The following AIM2 variants were observed in gnomAD, a reference collection of about 807,000 sequenced individuals.
AIM2 encodes absent in melanoma 2.
Under a neutral mutation model 27.7 loss-of-function variants are expected in AIM2, and 30 were observed. The observed-to-expected ratio is 1.08, with a 90% CI of 0.81 to 1.47. The LOEUF (loss-of-function observed/expected upper bound fraction) is 1.47. Ranked by LOEUF, AIM2 falls within the 40% of genes most tolerant of loss-of-function variation. The pLI, the probability that AIM2 is intolerant of heterozygous loss-of-function variation, is 0.00. For synonymous variants in AIM2, 141 were observed against 145.3 expected (o/e 0.97, Z 0.21); for missense variants, 358 against 411.3 (o/e 0.87, Z 1.12).
At chr1:159,117,037 G>A (rs1246803834) in intron 1 of AIM2, among the ~76,000 whole-genome samples, 1 of 152,104 alleles carries the variant, frequency 6.6e-6, no homozygotes, top group African/African-American at 2.4e-5. Context: ...AGTGAGAGTT[G>A]TTTCAGAAAT....
upstream of AIM2, among the ~76,000 whole-genome samples, chr1:159,141,738 A>C (rs1355453705): frequency 6.6e-6 from 1 of 151,960 alleles, no homozygotes; most frequent in South Asian, 2.1e-4. Flanking sequence ...TACCTTCTGC[A>C]TCACCGAGCC....
chr1:159,105,181 C>T (rs4282817), intron 1 of AIM2, among the ~76,000 whole-genome samples: 39 of 152,326 alleles, frequency 2.6e-4, no homozygotes, highest in South Asian at 8.3e-4. Context: ...CCAGCTGCTG[C>T]GGCAGGGCAG....
intron 2 of AIM2, among the ~76,000 whole-genome samples, chr1:159,069,546 C>CTT (rs760527368): frequency 1.4e-5 from 2 of 142,064 alleles, no homozygotes; most frequent in African/African-American, 5.1e-5. Flanking sequence ...TGATTTCTTT[C>CTT]TTTTTTTTTT....
At chr1:159,108,898 A>G (rs1277713046) in intron 1 of AIM2, among the ~76,000 whole-genome samples, 1 of 152,210 alleles carries the variant, frequency 6.6e-6, no homozygotes, top group Non-Finnish European at 1.5e-5. Context: ...CATAGACGAC[A>G]CACACAAATG....
chr1:159,063,531 A>G lies in AIM2; in HGVS notation c.960T>C (p.Asn320=), dbSNP rs967172742. 2.5e-6 allele frequency: 4 copies of G among 1,613,790 alleles called. No individual in the cohort carries two copies. Among genetic ancestry groups the G allele is most frequent in the Admixed American group, 3.3e-5 (2 of 59,952 alleles). ...CAGATGTCAGCTGTAGTTTTTCTCCATTTTTTGACAGTGTGAAGAATGTAA... is the reference window on the plus strand; with the variant it reads ...CAGATGTCAGCTGTAGTTTTTCTCCGTTTTTTGACAGTGTGAAGAATGTAA... ...VRLTFFTLSK[N]GEKLQLTSGV... Residue 320 remains asparagine, a synonymous_variant, in exon 5 of 6, where the codon AAT becomes AAC. Transcript: ENST00000368130.
downstream of AIM2, among the ~76,000 whole-genome samples, chr1:159,059,092 A>G (rs1655748747): frequency 6.6e-6 from 1 of 152,212 alleles, no homozygotes; most frequent in Admixed American, 6.5e-5. Flanking sequence ...CCAATAAGGA[A>G]AAGAGACGTT....
chr1:159,073,368 G>A lies in AIM2; in HGVS notation c.132C>T (p.Asn44=), dbSNP rs1327500089. 6.2e-7 allele frequency: 1 copy of A among 1,614,188 alleles called. No individual in the cohort carries two copies. Among genetic ancestry groups the A allele is most frequent in the Non-Finnish European group, 8.5e-7 (1 of 1,180,032 alleles). ...TCATCAAGGTAGCTACTTGTATTCT[G>A]TTTGCAGTATGTAGTTTGCCTGTGG... The part of the protein sequence containing the change: ...NIATGKLHTA[N]RIQVATLMIQ... Residue 44 remains asparagine (N), a synonymous_variant, in exon 2 of 6, where the codon AAC becomes AAT. Transcript: ENST00000368130.
chr1:159,137,924 T>C (rs1040954391), intron 1 of AIM2, among the ~76,000 whole-genome samples: 2 of 152,228 alleles, frequency 1.3e-5, no homozygotes. Flanking sequence ...TGCACTGGTC[T>C]GCATATGTAG....
upstream of AIM2, among the ~76,000 whole-genome samples, chr1:159,145,061 C>T (rs1056300813): frequency 1.7e-4 from 26 of 152,244 alleles, no homozygotes; most frequent in African/African-American, 6.3e-4. Flanking sequence ...TCTCATGTTC[C>T]TACCTGCTAT....
Position 159,063,494 on chromosome 1 carries a change from T to G in AIM2, c.997A>C (p.Thr333Pro). 1 of 1,612,794 alleles carries G rather than the reference T, an allele frequency of 6.2e-7. No individual in the cohort carries two copies. The highest frequency in any genetic ancestry group is 8.5e-7 in the Non-Finnish European group (1 of 1,179,548). The change falls in exon 5 of 6, where the codon ACC (threonine) becomes CCC (proline). Residue 333 changes from threonine to proline, a missense_variant. Physicochemically the swap from Thr to Pro is conservative, Grantham distance 38. Coordinates refer to ENST00000368130, the MANE Select transcript of AIM2 (RefSeq NM_004833.3). ...KLQLTSGVHS[T>P]IKVIKAKKKT ...TTCCATGCAGTTCCCACCTTTATGG[T>G]GCTATGAACTCCAGATGTCAGCTGT... is the stretch of plus-strand genomic sequence containing the variant.
intron 4 of AIM2, among the ~76,000 whole-genome samples, 188 bp from the exon 5 acceptor site, chr1:159,063,862 G>C (rs1655962690): frequency 6.6e-6 from 1 of 152,186 alleles, no homozygotes; most frequent in Admixed American, 6.5e-5. Context: ...AAGATGGCAA[G>C]ACCAACCCTC....
rs779739641 is a variant in AIM2, at chr1:159,063,471, C to A, written c.1005+15G>T. 1 of 1,597,860 alleles carries A rather than the reference C, an allele frequency of 6.3e-7. No individual in the cohort carries two copies. The highest frequency in any genetic ancestry group is 8.5e-7 in the Non-Finnish European group (1 of 1,174,150). On this transcript the variant is annotated intron_variant, in intron 5 of 5. Transcript: ENST00000368130. ...ACCCCCTTGGAGAGTTGACTTTGTT[C>A]CATGCAGTTCCCACCTTTATGGTGC...
At chr1:159,090,803 G>T (rs2102008559) in intron 1 of AIM2, among the ~76,000 whole-genome samples, 1 of 152,272 alleles carries the variant, frequency 6.6e-6, no homozygotes. Flanking sequence ...CAAACCATCA[G>T]GGAAATAATT....
intron 2 of AIM2, 74 bp from the exon 3 acceptor site, chr1:159,068,775 G>A (rs1656229110): frequency 2.1e-6 from 3 of 1,411,780 alleles, no homozygotes; most frequent in Admixed American, 2.2e-5. Context: ...AATGTCACCA[G>A]GAATAAATAC....
chr1:159,074,653 A>C (rs1319170156), intron 1 of AIM2, among the ~76,000 whole-genome samples: 3 of 152,184 alleles, frequency 2.0e-5, no homozygotes, highest in Non-Finnish European at 4.4e-5. Context: ...TAAGATTAAT[A>C]TACAGAAATG....
chr1:159,074,337 C>A (rs1412728395), intron 1 of AIM2, among the ~76,000 whole-genome samples: 1 of 152,012 alleles, frequency 6.6e-6, no homozygotes, highest in Non-Finnish European at 1.5e-5. Flanking sequence ...GCTGTATGTA[C>A]TGCTTTGAGT....
chr1:159,079,494 G>C (rs1656722732), upstream of AIM2, among the ~76,000 whole-genome samples: 1 of 152,148 alleles, frequency 6.6e-6, no homozygotes. Flanking sequence ...TGATGAATGA[G>C]AAAGAACACA....
At chr1:159,065,734 A>G (rs910538421) in intron 4 of AIM2, among the ~76,000 whole-genome samples, 176 bp downstream of exon 4, 3 of 152,212 alleles carry the variant, frequency 2.0e-5, no homozygotes, top group African/African-American at 7.2e-5. Flanking sequence ...AATAAAAACA[A>G]TTTTTGAGTT....
chr1:159,097,977 A>G (rs1198896850), intron 1 of AIM2, among the ~76,000 whole-genome samples: 1 of 152,162 alleles, frequency 6.6e-6, no homozygotes, highest in Non-Finnish European at 1.5e-5. Flanking sequence ...ATGAAAACAC[A>G]TTTTTAAAAA....
Sources: allele counts gnomAD v4.1 joint callset (sites outside exome capture counted in the v4.1 genomes callset), GRCh38; gene constraint gnomAD v4.1.1; transcripts MANE v1.5; gene names NCBI Gene and HGNC (gene_info 2026-07-23, HGNC 2026-07-21).